ARL6IP6: variants seen among roughly 807,000 people sequenced by gnomAD.
The protein encoded by ARL6IP6 is ARF like GTPase 6 interacting protein 6, also known as ADP-ribosylation factor-like protein 6-interacting protein 6.
Under a neutral mutation model 21.5 loss-of-function variants are expected in ARL6IP6, and 22 were observed. That is an observed-to-expected ratio of 1.02 (90% CI 0.73 to 1.46). The LOEUF is 1.46. Among genes scored for constraint, ARL6IP6 ranks in the 40% most tolerant of loss-of-function variants. ARL6IP6 has a pLI of 0.00. For synonymous variants in ARL6IP6, 164 were observed against 125.3 expected, an observed-to-expected ratio of 1.31 and a Z score of -2.06; for missense variants, 388 against 299.8, an observed-to-expected ratio of 1.29 and a Z score of -2.17.
intron 2 of ARL6IP6, among the ~76,000 whole-genome samples, chr2:152,728,874 C>T (rs1700168488): frequency 6.6e-6 from 1 of 151,966 alleles, no homozygotes; most frequent in South Asian, 2.1e-4. Context: ...GCCTGGCCAA[C>T]ATGGTGAAAC....
rs919393504 is a variant in ARL6IP6, at chr2:152,720,579, A to G, written c.447A>G (p.Gly149=). The change falls in exon 2 of 4, where the codon GGA becomes GGG. Residue 149 remains glycine (G), a synonymous_variant. Coordinates refer to ENST00000326446, the MANE Select transcript of ARL6IP6 (RefSeq NM_152522.7). ...AAAATGAAGATGATGTAGACACTGG[A>G]CTATTAGGTATGGACTTAATTGCCG... ...NLKNEDDVDT[G]LLGFWTLLII... 4 of 1,613,944 alleles carry G rather than the reference A, an allele frequency of 2.5e-6. No individual in the cohort carries two copies. The highest frequency in any genetic ancestry group is 3.3e-4 in the Middle Eastern group (2 of 6,062).
intron 2 of ARL6IP6, among the ~76,000 whole-genome samples, chr2:152,731,804 G>A (rs1366388647): frequency 1.3e-5 from 2 of 152,086 alleles, no homozygotes; most frequent in African/African-American, 4.8e-5. Flanking sequence ...AAATATCTAA[G>A]TACAATATAC....
At chr2:152,748,737 G>A (rs1701174779) in intron 3 of ARL6IP6, among the ~76,000 whole-genome samples, 1 of 152,190 alleles carries the variant, frequency 6.6e-6, no homozygotes, top group African/African-American at 2.4e-5. Context: ...TAAATTACAA[G>A]AGTTCTGTCA....
upstream of ARL6IP6, chr2:152,717,717 A>T: frequency 1.5e-6 from 2 of 1,368,828 alleles, no homozygotes; most frequent in Non-Finnish European, 1.9e-6. Context: ...AGGGGAAGGG[A>T]AGACAACAGT....
intron 3 of ARL6IP6, among the ~76,000 whole-genome samples, chr2:152,747,666 G>A (rs954822832): frequency 5.9e-5 from 9 of 151,328 alleles, no homozygotes; most frequent in Admixed American, 4.0e-4. Flanking sequence ...ACCTCCACCC[G>A]CTGGGTTCAA....
intron 3 of ARL6IP6, among the ~76,000 whole-genome samples, chr2:152,739,526 A>G (rs1700710663): frequency 6.6e-6 from 1 of 152,144 alleles, no homozygotes; most frequent in Non-Finnish European, 1.5e-5. Context: ...TTCATTGTCC[A>G]TATCAAGATC....
At position 152,725,149 on chromosome 2, in the gene ARL6IP6, A is replaced by G. The variant is rs1256564515; in HGVS notation, c.454+4563A>G. ...TCAAAAGAATAAAGAAAACTGAGCTATATTTCTCATAAAGTTTATTTGATC... is the reference window on the plus strand; with the variant it reads ...TCAAAAGAATAAAGAAAACTGAGCTGTATTTCTCATAAAGTTTATTTGATC... On this transcript the variant is annotated intron_variant, in intron 2 of 3. Transcript: ENST00000326446. Among the ~76,000 whole-genome samples, 4 of 152,312 alleles carry G rather than the reference A, an allele frequency of 2.6e-5. No individual in the cohort carries two copies. In the East Asian group the frequency reaches 5.8e-4, roughly 22 times the overall value.
chr2:152,736,812 T>C (rs1364097148), intron 3 of ARL6IP6, among the ~76,000 whole-genome samples: 1 of 152,224 alleles, frequency 6.6e-6, no homozygotes, highest in Non-Finnish European at 1.5e-5. Context: ...TACTTTATAT[T>C]AGGCATTATA....
At chr2:152,740,928 G>C (rs1700778917) in intron 3 of ARL6IP6, among the ~76,000 whole-genome samples, 1 of 152,088 alleles carries the variant, frequency 6.6e-6, no homozygotes, top group African/African-American at 2.4e-5. Flanking sequence ...AGAAATGTCA[G>C]ATTAAGTATA....
At chr2:152,722,540 C>G (rs544326427) in intron 2 of ARL6IP6, among the ~76,000 whole-genome samples, 165 of 152,286 alleles carry the variant, frequency 1.1e-3, no homozygotes, top group Non-Finnish European at 1.9e-3. Context: ...ATAGTTGTCT[C>G]TACCAGAAGA....
intron 3 of ARL6IP6, among the ~76,000 whole-genome samples, chr2:152,751,220 G>A (rs1701314298): frequency 6.6e-6 from 1 of 151,532 alleles, no homozygotes; most frequent in Non-Finnish European, 1.5e-5. Context: ...ATTTTTAGTT[G>A]ACACATAATA....
At chr2:152,758,464 A>G (rs1011222592) in intron 3 of ARL6IP6, among the ~76,000 whole-genome samples, 3 of 152,178 alleles carry the variant, frequency 2.0e-5, no homozygotes, top group Non-Finnish European at 4.4e-5. Flanking sequence ...TCTGTTCACT[A>G]GTCATCAACA....
chr2:152,723,590 TAGAC>T (rs1699895401), intron 2 of ARL6IP6, among the ~76,000 whole-genome samples: 1 of 152,212 alleles, frequency 6.6e-6, no homozygotes, highest in Non-Finnish European at 1.5e-5. Flanking sequence ...TTTCTTTTTC[TAGAC>T]AGACTGACAA....
At chr2:152,723,251 T>C (rs1239323214) in intron 2 of ARL6IP6, among the ~76,000 whole-genome samples, 1 of 152,218 alleles carries the variant, frequency 6.6e-6, no homozygotes, top group Non-Finnish European at 1.5e-5. Context: ...AAATATTTAA[T>C]AAGAAAATGT....
intron 3 of ARL6IP6, among the ~76,000 whole-genome samples, chr2:152,747,048 T>C (rs1701090893): frequency 6.6e-6 from 1 of 152,066 alleles, no homozygotes; most frequent in South Asian, 2.1e-4. Context: ...CAGGACAGTC[T>C]TGAACTCCTG....
intron 2 of ARL6IP6, among the ~76,000 whole-genome samples, chr2:152,729,365 CACAT>C (rs1309620869): frequency 6.9e-6 from 1 of 143,954 alleles, no homozygotes; most frequent in African/African-American, 2.9e-5. Flanking sequence ...TGTGTGTACA[CACAT>C]ATATGCACAC....
At chr2:152,742,045 T>G (rs909660736) in intron 3 of ARL6IP6, among the ~76,000 whole-genome samples, 7 of 152,224 alleles carry the variant, frequency 4.6e-5, no homozygotes, top group African/African-American at 1.7e-4. Context: ...TTATCCTGCT[T>G]CTTCTACACT....
intron 3 of ARL6IP6, among the ~76,000 whole-genome samples, chr2:152,755,623 G>A (rs1392659402): frequency 6.6e-6 from 1 of 152,226 alleles, no homozygotes; most frequent in Non-Finnish European, 1.5e-5. Flanking sequence ...CCCCTGTCCA[G>A]TGGACACGTG....
chr2:152,758,660 C>T (rs566799166), intron 3 of ARL6IP6, among the ~76,000 whole-genome samples: 2 of 151,780 alleles, frequency 1.3e-5, no homozygotes, highest in East Asian at 3.9e-4. Context: ...GAGCAGGGAA[C>T]CATCAGGAAG....
Sources: gnomAD v4.1 joint callset for allele counts (sites outside exome capture counted in the v4.1 genomes callset) on GRCh38, gnomAD v4.1.1 for gene constraint, MANE v1.5 for transcripts, NCBI Gene and HGNC (gene_info 2026-07-23, HGNC 2026-07-21) for gene names.